Variants in MCMDC2 observed in about 807,000 individuals in gnomAD.
The protein encoded by MCMDC2 is minichromosome maintenance domain containing 2.
In MCMDC2, 54 loss-of-function variants were observed where a neutral mutation model predicts 75.8. That is an observed-to-expected ratio of 0.71 (90% CI 0.57 to 0.89). The LOEUF (loss-of-function observed/expected upper bound fraction) is 0.89, where lower values mean the gene tolerates loss of function less well. MCMDC2 is among the 40% of genes least tolerant of loss of function. The pLI is 0.00. For synonymous variants in MCMDC2, 249 were observed against 274.6 expected (o/e 0.91, Z 0.92); for missense variants, 656 against 780.4 (o/e 0.84, Z 1.90).
At position 66,878,622 on chromosome 8, in the gene MCMDC2, C is replaced by T. The variant is rs369484487; in HGVS notation, c.530C>T (p.Thr177Met). ...VHVPGATESA[T>M]IRNDFLCNLC... ...GTGCCTGGTGCTACAGAATCTGCAA[C>T]GATAAGAAATGACTTTTTGTGTAAT... The change falls in exon 6 of 15, where the codon ACG (threonine) becomes ATG (methionine). Residue 177 changes from threonine to methionine, a missense_variant. Coordinates refer to ENST00000422365, the MANE Select transcript of MCMDC2 (RefSeq NM_173518.5). 11 of 1,569,358 alleles carry T rather than the reference C, an allele frequency of 7.0e-6. No individual in the cohort carries two copies. Among genetic ancestry groups the T allele is most frequent in the African/African-American group, 4.1e-5 (3 of 72,856 alleles).
At chr8:66,874,023 T>A (rs1429761218) in intron 1 of MCMDC2, 30 bp from the exon 2 acceptor site, 2 of 689,424 alleles carry the variant, frequency 2.9e-6, no homozygotes, top group Non-Finnish European at 4.4e-6. Flanking sequence ...TATTAGAGAT[T>A]TTCAAAAATA....
intron 14 of MCMDC2, among the ~76,000 whole-genome samples, chr8:66,910,156 C>A (rs534248146): frequency 6.6e-6 from 1 of 152,318 alleles, no homozygotes; most frequent in East Asian, 1.9e-4. Flanking sequence ...GTGTGGATAT[C>A]CCTGCAGAAG....
rs1811786210 is a variant in MCMDC2, at chr8:66,885,276, T to C, written c.1073+1282T>C. ...AGAACCTGGGAGGTGGAGGTTGCAATGAGCCGAGATCGCACCACTGCACTC... is the reference window on the plus strand; with the variant it reads ...AGAACCTGGGAGGTGGAGGTTGCAACGAGCCGAGATCGCACCACTGCACTC... On this transcript the variant is annotated intron_variant, in intron 9 of 14. Coordinates refer to ENST00000422365, the MANE Select transcript of MCMDC2 (RefSeq NM_173518.5). 2.0e-5 allele frequency among the ~76,000 whole-genome samples: 3 copies of C among 149,718 alleles called. No homozygotes were observed. In the South Asian group the frequency reaches 6.4e-4, roughly 32 times the overall value.
At chr8:66,922,467 A>G (rs757119617), downstream of MCMDC2, 3 of 518,546 alleles carry the variant, frequency 5.8e-6, no homozygotes, top group Non-Finnish European at 7.7e-6. Flanking sequence ...AATGTACAGT[A>G]CTGGCATCTC....
chr8:66,920,873 A>G lies in MCMDC2; in HGVS notation c.*1704A>G, dbSNP rs955031585. 4 of 152,082 alleles carry G rather than the reference A, an allele frequency of 2.6e-5. No individual in the cohort carries two copies. Among genetic ancestry groups the G allele is most frequent in the African/African-American group, 9.7e-5 (4 of 41,398 alleles). 9.4% of individuals were successfully genotyped at this position (152,082 alleles called of 1,614,324 possible). On this transcript the variant is annotated 3_prime_UTR_variant, in exon 15 of 15. Transcript: ENST00000422365. ...TTTTTTGTAGAGATGGAATTTTGCC[A>G]TGTTTCCCAGGCTGGTCTCAAGTCA...
intron 14 of MCMDC2, among the ~76,000 whole-genome samples, chr8:66,913,617 T>C (rs1349801990): frequency 6.6e-6 from 1 of 152,180 alleles, no homozygotes; most frequent in Non-Finnish European, 1.5e-5. Flanking sequence ...GTGAAAAAAG[T>C]TGCAGTCTCT....
At chr8:66,898,470 C>G (rs2130840496) in intron 12 of MCMDC2, among the ~76,000 whole-genome samples, 1 of 151,538 alleles carries the variant, frequency 6.6e-6, no homozygotes, top group Non-Finnish European at 1.5e-5. Context: ...ACTAAAAATA[C>G]AAAATGAGCC....
In MCMDC2 at chr8:66,878,702, A is replaced by G. The variant is rs767410650; in HGVS notation, c.604+6A>G. ...AAAATTTAGAGTACTTGGTGGTAAT[A>G]TGCATTTATATTTTGTAATTATAAT... On this transcript the variant is annotated splice_donor_region_variant and intron_variant, in intron 6 of 14. Coordinates refer to ENST00000422365, the MANE Select transcript of MCMDC2 (RefSeq NM_173518.5). 1.3e-6 allele frequency: 2 copies of G among 1,547,212 alleles called. No individual in the cohort carries two copies. The highest frequency in any genetic ancestry group is 1.4e-5 in the African/African-American group (1 of 72,020).
At chr8:66,914,295 A>C (rs973670330) in intron 14 of MCMDC2, among the ~76,000 whole-genome samples, 19 of 151,794 alleles carry the variant, frequency 1.3e-4, no homozygotes, top group African/African-American at 3.4e-4. Context: ...AAAAAAAAAA[A>C]AAAAAAAAAC....
chr8:66,892,086 A>G (rs1469021623), intron 10 of MCMDC2, among the ~76,000 whole-genome samples: 1 of 152,140 alleles, frequency 6.6e-6, no homozygotes, highest in Non-Finnish European at 1.5e-5. Context: ...CTTTCAGTCC[A>G]CTGCTTCACT....
At position 66,871,120 on chromosome 8, in the gene MCMDC2, A is replaced by G. The variant is rs143622236; in HGVS notation, c.-89+289A>G. On this transcript the variant is annotated intron_variant, in intron 1 of 14. Transcript: ENST00000422365. ...ACTTAACGCTTTTCCACAGGCTTCT[A>G]TGTCTTTTCCCGACTTAATATGCCT... 2.7e-3 allele frequency among the ~76,000 whole-genome samples: 404 copies of G among 152,168 alleles called. 2 individuals carry two copies. The highest frequency in any genetic ancestry group is 8.2e-3 in the African/African-American group (340 of 41,506).
chr8:66,902,718 A>C (rs1308194482), intron 13 of MCMDC2, among the ~76,000 whole-genome samples: 2 of 121,280 alleles, frequency 1.6e-5, no homozygotes, highest in Non-Finnish European at 3.5e-5. Context: ...AAAAATATAT[A>C]TATATATATA....
At chr8:66,890,731 T>A in intron 9 of MCMDC2, 134 bp from the exon 10 acceptor site, 1 of 761,938 alleles carries the variant, frequency 1.3e-6, no homozygotes, top group Middle Eastern at 3.9e-4. Flanking sequence ...ATGTTAGTCA[T>A]ATATATTTTT....
chr8:66,884,795 G>C (rs1043068432), intron 9 of MCMDC2, among the ~76,000 whole-genome samples: 7 of 151,350 alleles, frequency 4.6e-5, no homozygotes, highest in African/African-American at 1.7e-4. Context: ...ATTATTTTTT[G>C]AGACAGGGTC....
chr8:66,923,249 A>G (rs1366298352), downstream of MCMDC2, among the ~76,000 whole-genome samples: 1 of 152,190 alleles, frequency 6.6e-6, no homozygotes, highest in East Asian at 1.9e-4. Flanking sequence ...GGATACCTAT[A>G]TTGGCATTTT....
chr8:66,902,651 G>A (rs539005311), intron 13 of MCMDC2, among the ~76,000 whole-genome samples: 125 of 131,384 alleles, frequency 9.5e-4, no homozygotes, highest in Non-Finnish European at 1.2e-3. Flanking sequence ...CCGAGATTGT[G>A]CCACTGCACT....
intron 10 of MCMDC2, among the ~76,000 whole-genome samples, chr8:66,894,468 G>T (rs912679472): frequency 6.6e-6 from 1 of 152,216 alleles, no homozygotes; most frequent in Non-Finnish European, 1.5e-5. Context: ...TAAGCTGAAG[G>T]TAGAGAGTGT....
At chr8:66,876,796 T>C (rs1185899790) in intron 4 of MCMDC2, among the ~76,000 whole-genome samples, 3 of 150,024 alleles carry the variant, frequency 2.0e-5, no homozygotes, top group Admixed American at 1.3e-4. Flanking sequence ...AGTCTCACTC[T>C]GTTGCCCAGG....
In MCMDC2 at chr8:66,883,922, C is replaced by G; in HGVS notation, c.1001C>G (p.Thr334Ser). 1 of 1,614,006 alleles carries G rather than the reference C, an allele frequency of 6.2e-7. No homozygotes were observed. Reference sequence around the variant, plus strand: ...TTGTTGATGAGTCTAGTACAGACAACTGACCGTAACAAGGAACTGGAAGAT... The same window carrying G: ...TTGTTGATGAGTCTAGTACAGACAAGTGACCGTAACAAGGAACTGGAAGAT... ...LCLLMSLVQT[T>S]DRNKELEDCL... The change falls in exon 9 of 15, where the codon ACT (threonine) becomes AGT (serine). Residue 334 changes from threonine (T) to serine (S), a missense_variant. Thr to Ser is a moderately conservative substitution (Grantham distance 58, BLOSUM62 1). Transcript: ENST00000422365.
Sources: gnomAD v4.1 joint callset for allele counts (sites outside exome capture counted in the v4.1 genomes callset) on GRCh38, gnomAD v4.1.1 for gene constraint, MANE v1.5 for transcripts, NCBI Gene and HGNC (gene_info 2026-07-23, HGNC 2026-07-21) for gene names.